The following PARD3B variants were observed in gnomAD, a reference collection of about 807,000 sequenced individuals.
PARD3B encodes the protein partitioning defective 3 homolog B.
In PARD3B, 103 loss-of-function variants were observed where a neutral mutation model predicts 130.2. The observed-to-expected ratio is 0.79, with a 90% CI of 0.67 to 0.93. PARD3B has a LOEUF of 0.93. PARD3B is among the 40% of genes least tolerant of loss of function. PARD3B has a pLI of 0.00. For missense variants in PARD3B, 1,609 were observed against 1,499.2 expected, an observed-to-expected ratio of 1.07 and a Z score of -1.21; for synonymous variants, 583 against 553.2, an observed-to-expected ratio of 1.05 and a Z score of -0.76.
chr2:205,244,144 G>T lies in PARD3B; in HGVS notation c.2141-1634G>T. On this transcript the variant is annotated intron_variant, in intron 15 of 22. Coordinates refer to ENST00000406610, the MANE Select transcript of PARD3B (RefSeq NM_001302769.2). This position sits in a 1 kb window ranked among gnomAD's most constrained non-coding sequence, Gnocchi z 4.7. Reference sequence around the variant, plus strand: ...GTAGTGCTTTTATCTAGAAAATAAAGAAATAGCTTAGAAAAGGAGGGCTAG... The same window carrying T: ...GTAGTGCTTTTATCTAGAAAATAAATAAATAGCTTAGAAAAGGAGGGCTAG... Among the ~76,000 whole-genome samples, 1 of 152,118 alleles carries T rather than the reference G, an allele frequency of 6.6e-6. No homozygotes were observed. Among genetic ancestry groups the T allele is most frequent in the Non-Finnish European group, 1.5e-5 (1 of 68,002 alleles).
At chr2:205,477,357 AC>A (rs1286970134) in intron 20 of PARD3B, among the ~76,000 whole-genome samples, 2 of 151,646 alleles carry the variant, frequency 1.3e-5, no homozygotes, top group African/African-American at 4.8e-5. Flanking sequence ...TTTTTTATAG[AC>A]TCTCTCCCTT....
chr2:204,856,028 C>G (rs2044921887), intron 2 of PARD3B, among the ~76,000 whole-genome samples: 1 of 152,110 alleles, frequency 6.6e-6, no homozygotes, highest in South Asian at 2.1e-4. Context: ...GCAGATATCT[C>G]TTTGACATGT....
intron 2 of PARD3B, among the ~76,000 whole-genome samples, chr2:204,821,336 G>A (rs1275861802): frequency 6.6e-6 from 1 of 152,106 alleles, no homozygotes. Context: ...TTAAGAAAAT[G>A]TGGCAAACAT....
intron 1 of PARD3B, among the ~76,000 whole-genome samples, chr2:204,581,654 C>A (rs1474652793): frequency 1.3e-5 from 2 of 152,064 alleles, no homozygotes; most frequent in Non-Finnish European, 2.9e-5. Flanking sequence ...ACCATATATA[C>A]CATACCAGGG....
chr2:204,972,294 TGAA>T (rs1691781496), intron 3 of PARD3B, among the ~76,000 whole-genome samples: 1 of 152,194 alleles, frequency 6.6e-6, no homozygotes, highest in Admixed American at 6.5e-5. Flanking sequence ...AATAAAATGA[TGAA>T]GTTTGCTTGA....
At chr2:205,066,759 G>T (rs1261240064) in intron 4 of PARD3B, among the ~76,000 whole-genome samples, 3 of 151,990 alleles carry the variant, frequency 2.0e-5, no homozygotes, top group Non-Finnish European at 4.4e-5. Flanking sequence ...CATTTTGACG[G>T]TTTTTCTTCT....
At chr2:205,020,628 A>G (rs1206374721) in intron 3 of PARD3B, among the ~76,000 whole-genome samples, 1 of 152,290 alleles carries the variant, frequency 6.6e-6, no homozygotes, top group Admixed American at 6.5e-5. Flanking sequence ...ATTGAAAATT[A>G]TAACATTTTG....
rs911732918 is a variant in PARD3B, at chr2:205,572,229, G to A, written c.3260+18826G>A. ...TACCTTGGGAAGAGAGTAGAAGAAT[G>A]ACAAATTATAGATTATTTCAGTCAA... On this transcript the variant is annotated intron_variant, in intron 22 of 22. Transcript: ENST00000406610. This position sits in a 1 kb window ranked among gnomAD's most constrained non-coding sequence, Gnocchi z 4.2. 1.3e-5 allele frequency among the ~76,000 whole-genome samples: 2 copies of A among 151,798 alleles called. No individual in the cohort carries two copies. Among genetic ancestry groups the A allele is most frequent in the Admixed American group, 6.6e-5 (1 of 15,258 alleles).
chr2:205,547,120 C>T (rs144117334), intron 21 of PARD3B, among the ~76,000 whole-genome samples: 25 of 152,242 alleles, frequency 1.6e-4, no homozygotes, highest in African/African-American at 5.5e-4. Flanking sequence ...TTTCTCATCT[C>T]TATGTCTTAT....
At chr2:204,982,117 T>G (rs1483012347) in intron 3 of PARD3B, among the ~76,000 whole-genome samples, 1 of 152,160 alleles carries the variant, frequency 6.6e-6, no homozygotes, top group Non-Finnish European at 1.5e-5. Flanking sequence ...TTATTTTTTA[T>G]TTTTATATTT....
chr2:205,133,777 T>G lies in PARD3B; in HGVS notation c.1434+8040T>G, dbSNP rs74824694. 7.1e-3 allele frequency among the ~76,000 whole-genome samples: 1,081 copies of G among 152,308 alleles called. 14 individuals carry two copies. The highest frequency in any genetic ancestry group is 0.025 in the African/African-American group (1,019 of 41,570). On this transcript the variant is annotated intron_variant, in intron 10 of 22. Transcript: ENST00000406610. ...CCCAACTCAATTACCCCTGATTCAT[T>G]TAGGCAAACTCAATTGTACTTGACT...
chr2:204,997,438 G>T (rs1380042872), intron 3 of PARD3B, among the ~76,000 whole-genome samples: 2 of 152,136 alleles, frequency 1.3e-5, no homozygotes, highest in African/African-American at 4.8e-5. Flanking sequence ...AAGGGTTGAT[G>T]ATCTCTTCAT....
At position 205,217,866 on chromosome 2, in the gene PARD3B, G is replaced by A. The variant is rs1398875583; in HGVS notation, c.2140+24546G>A. On this transcript the variant is annotated intron_variant, in intron 15 of 22. Coordinates refer to ENST00000406610, the MANE Select transcript of PARD3B (RefSeq NM_001302769.2). ...TATATGTGTGTGTGTGTGTGTGTGT[G>A]TGTATATATATATATATATATATAT... Among the ~76,000 whole-genome samples the A allele has an allele frequency of 3.2e-3, 194 of 60,884 alleles. 1 individual carries two copies. Among genetic ancestry groups the A allele is most frequent in the African/African-American group, 0.014 (182 of 13,052 alleles). The allele number at this position is 60,884 out of a possible 152,430, so 39.9% of individuals were successfully genotyped here. A position where few individuals can be genotyped will look rare whatever the true frequency, so the allele number is the denominator to read the frequency against.
At chr2:204,597,744 A>G (rs1390396851) in intron 1 of PARD3B, among the ~76,000 whole-genome samples, 3 of 152,164 alleles carry the variant, frequency 2.0e-5, no homozygotes, top group Admixed American at 2.0e-4. Flanking sequence ...TGAATGAGTG[A>G]ATGAATGGAA....
Position 205,470,214 on chromosome 2 carries a change from C to A in PARD3B, c.3044+29542C>A, listed in dbSNP as rs1479974496. On this transcript the variant is annotated intron_variant, in intron 20 of 22. Transcript: ENST00000406610. The surrounding 1 kb of genome is among the most constrained non-coding windows in gnomAD (Gnocchi z 4.8). ...AAAATAGGAGTTCAGGTTGCTCTGCCTTTTCTCTGGCACTGTTACCATGTC... is the reference window on the plus strand; with the variant it reads ...AAAATAGGAGTTCAGGTTGCTCTGCATTTTCTCTGGCACTGTTACCATGTC... 6.6e-6 allele frequency among the ~76,000 whole-genome samples: 1 copy of A among 152,196 alleles called. No individual in the cohort carries two copies. The highest frequency in any genetic ancestry group is 2.4e-5 in the African/African-American group (1 of 41,442).
chr2:205,342,441 T>C (rs976257313), intron 18 of PARD3B, among the ~76,000 whole-genome samples: 7 of 152,216 alleles, frequency 4.6e-5, no homozygotes, highest in Non-Finnish European at 1.0e-4. Flanking sequence ...GAAGTTGACA[T>C]AAAATAGAGA....
chr2:205,252,396 A>G (rs1393686485), intron 16 of PARD3B, among the ~76,000 whole-genome samples: 5 of 152,304 alleles, frequency 3.3e-5, no homozygotes, highest in Non-Finnish European at 5.9e-5. Context: ...CTAATTCAGT[A>G]TTTGTTTGAC....
chr2:204,832,297 T>G (rs1213941342), intron 2 of PARD3B, among the ~76,000 whole-genome samples: 1 of 152,208 alleles, frequency 6.6e-6, no homozygotes, highest in Non-Finnish European at 1.5e-5. Flanking sequence ...GATTTTTTAG[T>G]GTACTTCCTC....
chr2:205,225,188 T>C (rs1040631508), intron 15 of PARD3B, among the ~76,000 whole-genome samples: 1 of 152,170 alleles, frequency 6.6e-6, no homozygotes, highest in Non-Finnish European at 1.5e-5. Context: ...TCCAAACCAT[T>C]TTCCATAATA....
Sources: allele counts gnomAD v4.1 joint callset (sites outside exome capture counted in the v4.1 genomes callset), GRCh38; gene constraint gnomAD v4.1.1; non-coding constraint Gnocchi (gnomAD v3.1); transcripts MANE v1.5; gene names NCBI Gene and HGNC (gene_info 2026-07-23, HGNC 2026-07-21).